EHHADH: variants seen among roughly 807,000 people sequenced by gnomAD.
EHHADH encodes the protein peroxisomal bifunctional enzyme.
In EHHADH, 48 loss-of-function variants were observed where a neutral mutation model predicts 64.4. That is an observed-to-expected ratio of 0.75 (90% CI 0.59 to 0.95). The LOEUF (loss-of-function observed/expected upper bound fraction) is 0.95. Among genes scored for constraint, EHHADH ranks in the 40% least tolerant of loss-of-function variants. The pLI is 0.00. For synonymous variants in EHHADH, 308 were observed against 326.7 expected (o/e 0.94, Z 0.62); for missense variants, 854 against 876.6 (o/e 0.97, Z 0.33).
chr3:185,195,294 C>T (rs1279904256), intron 6 of EHHADH, among the ~76,000 whole-genome samples: 1 of 152,074 alleles, frequency 6.6e-6, no homozygotes, highest in Non-Finnish European at 1.5e-5. Flanking sequence ...CAAATCAAAA[C>T]CACAGTGAGA....
chr3:185,198,661 C>CAACA lies in EHHADH; in HGVS notation c.911-5178_911-5175dup, dbSNP rs567236999. Among the ~76,000 whole-genome samples the CAACA allele has an allele frequency of 3.0e-4, 46 of 151,962 alleles. No homozygotes were observed. The East Asian group carries it at 7.5e-3, about 25-fold the overall frequency. ...GCCAGGAGTTTGAGACCAGCCTGGCCAACATGGCAAAACCCCATCTCTACT... is the reference window on the plus strand; with the variant it reads ...GCCAGGAGTTTGAGACCAGCCTGGCCAACAAACATGGCAAAACCCCATCTCTACT... On this transcript the variant is annotated intron_variant, in intron 6 of 6. Transcript: ENST00000231887.
chr3:185,203,811 A>C (rs1269699172), intron 6 of EHHADH, among the ~76,000 whole-genome samples: 1 of 152,148 alleles, frequency 6.6e-6, no homozygotes, highest in Non-Finnish European at 1.5e-5. Flanking sequence ...AAATCCAGGA[A>C]TGAGAGATTC....
Position 185,216,636 on chromosome 3 carries a change from T to C in EHHADH, c.568+1500A>G, listed in dbSNP as rs139233898. Among the ~76,000 whole-genome samples the C allele has an allele frequency of 1.7e-3, 257 of 152,334 alleles. No homozygotes were observed. Among genetic ancestry groups the C allele is most frequent in the Non-Finnish European group, 2.7e-3 (187 of 68,022 alleles). On this transcript the variant is annotated intron_variant, in intron 5 of 6. Transcript: ENST00000231887. The surrounding 1 kb of genome is among the most constrained non-coding windows in gnomAD (Gnocchi z 5.3). ...TCCTCCCCTCTCCAGTTCAAGCTTT[T>C]ACTTTCACATTGAAACAGTAACTGG...
chr3:185,214,409 C>G (rs1317296937), intron 5 of EHHADH, among the ~76,000 whole-genome samples: 2 of 152,232 alleles, frequency 1.3e-5, no homozygotes, highest in Non-Finnish European at 2.9e-5. Flanking sequence ...GCTGAGACCT[C>G]TGTCTCTCCT....
chr3:185,253,943 C>T lies in EHHADH; in HGVS notation c.74+6G>A. On this transcript the variant is annotated splice_donor_region_variant and intron_variant, in intron 1 of 6. Transcript: ENST00000231887. ...TCCCCGGGCTGGAGGCGACCGAGCC[C>T]GTTACCTGATCGCGTTGACCGGCGG... 1 of 1,614,064 alleles carries T rather than the reference C, an allele frequency of 6.2e-7. No individual in the cohort carries two copies. Among genetic ancestry groups the T allele is most frequent in the Non-Finnish European group, 8.5e-7 (1 of 1,179,972 alleles).
chr3:185,252,012 G>T (rs1235955808), intron 1 of EHHADH, among the ~76,000 whole-genome samples: 2 of 152,136 alleles, frequency 1.3e-5, no homozygotes, highest in African/African-American at 4.8e-5. Flanking sequence ...ACTTTATGAG[G>T]TAGGCCCTAA....
Position 185,193,438 on chromosome 3 carries a change from C to T in EHHADH, c.960G>A (p.Arg320=). ...RGIVISFARA[R]IPVIAVDSDK... ...CCGAGTCTACAGCAATCACAGGAAT[C>T]CTGGCCCTTGCAAAAGAAATGACAA... Residue 320 remains arginine, a synonymous_variant, in exon 7 of 7, where the codon AGG becomes AGA. Coordinates refer to ENST00000231887, the MANE Select transcript of EHHADH (RefSeq NM_001966.4). 3 of 1,614,192 alleles carry T rather than the reference C, an allele frequency of 1.9e-6. No individual in the cohort carries two copies. The highest frequency in any genetic ancestry group is 2.5e-6 in the Non-Finnish European group (3 of 1,180,034).
intron 2 of EHHADH, among the ~76,000 whole-genome samples, chr3:185,247,674 C>A (rs541861112): frequency 1.3e-5 from 2 of 152,050 alleles, no homozygotes; most frequent in African/African-American, 4.8e-5. Flanking sequence ...TGTGTCTTTT[C>A]AGACTACCAT....
At chr3:185,205,168 T>A (rs1386656131) in intron 5 of EHHADH, among the ~76,000 whole-genome samples, 1 of 151,980 alleles carries the variant, frequency 6.6e-6, no homozygotes, top group Admixed American at 6.6e-5. Context: ...TATTAATTTT[T>A]AAAAATTATT....
Position 185,229,511 on chromosome 3 carries a change from TC to T in EHHADH, c.383del (p.Gly128AspfsTer24). ...GGGTTCCTCTTGCACCAGGGAGAAG[TC>T]CCAGTGTAACTTCTGGTAAGCCAAC... is the stretch of plus-strand genomic sequence containing the variant. The part of the protein sequence containing the change: ...AQVGLPEVTL[G>X]LLPGARGTQL... On this transcript the variant is annotated frameshift_variant, in exon 4 of 7. Transcript: ENST00000231887. LOFTEE classifies it high-confidence loss of function. The T allele has an allele frequency of 6.4e-7, 1 of 1,574,110 alleles. No individual in the cohort carries two copies. The highest frequency in any genetic ancestry group is 1.2e-5 in the South Asian group (1 of 81,382).
Position 185,229,495 on chromosome 3 carries a change from T to G in EHHADH, c.400A>C (p.Arg134=). The G allele has an allele frequency of 1.9e-6, 3 of 1,576,816 alleles. No individual in the cohort carries two copies. Among genetic ancestry groups the G allele is most frequent in the Non-Finnish European group, 2.6e-6 (3 of 1,159,114 alleles). The part of the protein sequence containing the change: ...EVTLGLLPGA[R]GTQLLPRLTG... ...AGTCTGGGGAGAAGCTGGGTTCCTC[T>G]TGCACCAGGGAGAAGTCCCAGTGTA... The change falls in exon 4 of 7, where the codon AGA becomes CGA. Residue 134 remains arginine (R), a synonymous_variant. Coordinates refer to ENST00000231887, the MANE Select transcript of EHHADH (RefSeq NM_001966.4).
intron 6 of EHHADH, among the ~76,000 whole-genome samples, chr3:185,196,410 C>T (rs974079397): frequency 2.0e-5 from 3 of 152,066 alleles, no homozygotes; most frequent in East Asian, 1.9e-4. Context: ...AAATACGAGG[C>T]GGGTAGATCA....
Position 185,193,303 on chromosome 3 carries a change from TAACCTG to T in EHHADH, c.1089_1094del (p.Arg364_Leu365del), listed in dbSNP as rs775539873. 6.2e-7 allele frequency: 1 copy of T among 1,609,860 alleles called. No homozygotes were observed. Among genetic ancestry groups the T allele is most frequent in the South Asian group, 1.1e-5 (1 of 90,308 alleles). On this transcript the variant is annotated inframe_deletion, in exon 7 of 7. Coordinates refer to ENST00000231887, the MANE Select transcript of EHHADH (RefSeq NM_001966.4). Reference sequence around the variant, plus strand: ...CACCAAGCTCCTTCACAGATGAAGTTAACCTGGGTTTTGGTCCTGACCAAGGGTGGC... The same window carrying T: ...CACCAAGCTCCTTCACAGATGAAGTTGGTTTTGGTCCTGACCAAGGGTGGC...
At chr3:185,250,193 T>C (rs1429205673) in intron 1 of EHHADH, among the ~76,000 whole-genome samples, 2 of 152,070 alleles carry the variant, frequency 1.3e-5, no homozygotes, top group Admixed American at 6.5e-5. Context: ...TAAGATAAGA[T>C]ATAAAGGCAA....
chr3:185,207,316 T>C (rs1718424741), intron 5 of EHHADH, among the ~76,000 whole-genome samples: 1 of 150,842 alleles, frequency 6.6e-6, no homozygotes, highest in Admixed American at 6.6e-5. Context: ...GACATTGAGA[T>C]GGGGATATTA....
intron 4 of EHHADH, 54 bp from the exon 5 acceptor site, chr3:185,218,294 A>AAGC (rs1718745936): frequency 5.4e-6 from 7 of 1,287,540 alleles, no homozygotes; most frequent in Non-Finnish European, 7.7e-6. Flanking sequence ...TGTAAGATTA[A>AAGC]AGCAAAAGCA....
At chr3:185,212,563 C>T (rs968505348) in intron 5 of EHHADH, among the ~76,000 whole-genome samples, 16 of 152,022 alleles carry the variant, frequency 1.1e-4, no homozygotes, top group African/African-American at 3.4e-4. Flanking sequence ...CTTCTTCTTT[C>T]GTTGTTGTTG....
At position 185,244,803 on chromosome 3, in the gene EHHADH, C is replaced by T. The variant is rs545623078; in HGVS notation, c.178+3611G>A. Among the ~76,000 whole-genome samples, 153 of 152,072 alleles carry T rather than the reference C, an allele frequency of 1.0e-3. 1 individual carries two copies. Among genetic ancestry groups the T allele is most frequent in the Non-Finnish European group, 1.9e-3 (127 of 68,008 alleles). ...CTAAAGAAAACAGAAGAAGAATGAC[C>T]CTGCTGATATCTTGATTACAAACTT... On this transcript the variant is annotated intron_variant, in intron 2 of 6. Coordinates refer to ENST00000231887, the MANE Select transcript of EHHADH (RefSeq NM_001966.4).
rs190924734 is a variant in EHHADH at position 185,236,295 on chromosome 3, C to T, written c.179-833G>A. 4.8e-3 allele frequency among the ~76,000 whole-genome samples: 734 copies of T among 152,094 alleles called. 10 individuals carry two copies. Among genetic ancestry groups the T allele is most frequent in the African/African-American group, 0.016 (678 of 41,482 alleles). ...CTGCACAAGTGAGGGATCTAGGTTGCGCTCTCCTTATGAGAATCTAATGCC... is the reference window on the plus strand; with the variant it reads ...CTGCACAAGTGAGGGATCTAGGTTGTGCTCTCCTTATGAGAATCTAATGCC... On this transcript the variant is annotated intron_variant, in intron 2 of 6. Coordinates refer to ENST00000231887, the MANE Select transcript of EHHADH (RefSeq NM_001966.4).
Sources: gnomAD v4.1 joint callset for allele counts (sites outside exome capture counted in the v4.1 genomes callset) on GRCh38, gnomAD v4.1.1 for gene constraint, Gnocchi (gnomAD v3.1) non-coding constraint, MANE v1.5 for transcripts, NCBI Gene and HGNC (gene_info 2026-07-23, HGNC 2026-07-21) for gene names.